Variants in PWWP2A observed in about 807,000 individuals in gnomAD.
The protein encoded by PWWP2A is PWWP domain-containing protein 2A.
In PWWP2A, 18 loss-of-function variants were observed where a neutral mutation model predicts 48.5. The observed-to-expected ratio is 0.37, with a 90% CI of 0.26 to 0.55. The LOEUF (loss-of-function observed/expected upper bound fraction) is 0.55, where lower values mean the gene tolerates loss of function less well. Among genes scored for constraint, PWWP2A ranks in the 20% least tolerant of loss-of-function variants. The probability of loss-of-function intolerance (pLI) is 0.81; values close to 1 mark genes in which losing one functional copy is unlikely to be tolerated. For synonymous variants in PWWP2A, 396 were observed against 387.7 expected (o/e 1.02, Z -0.25); for missense variants, 867 against 976.4 (o/e 0.89, Z 1.49).
At chr5:160,083,309 C>T (rs1754377145) in intron 2 of PWWP2A, among the ~76,000 whole-genome samples, 1 of 152,092 alleles carries the variant, frequency 6.6e-6, no homozygotes, top group Non-Finnish European at 1.5e-5. Flanking sequence ...TTAACAGCAT[C>T]CCCAAAATGA....
chr5:160,096,883 C>A (rs1755706168), intron 1 of PWWP2A, among the ~76,000 whole-genome samples: 1 of 152,142 alleles, frequency 6.6e-6, no homozygotes, highest in South Asian at 2.1e-4. Flanking sequence ...CTGTTTGTAT[C>A]CTCTAAACTC....
chr5:160,110,479 GA>G (rs2113656423), intron 1 of PWWP2A, among the ~76,000 whole-genome samples: 1 of 152,002 alleles, frequency 6.6e-6, no homozygotes, highest in East Asian at 1.9e-4. Context: ...GGCCGCGGCA[GA>G]TGGATCACCT....
chr5:160,090,377 A>T, downstream of PWWP2A: 1 of 983,676 alleles, frequency 1.0e-6, no homozygotes, highest in Non-Finnish European at 1.2e-6. Context: ...TCAAACTTTT[A>T]AAAACACCTG....
chr5:160,095,403 A>C lies in PWWP2A; in HGVS notation c.585-1338T>G, dbSNP rs79646847. Among the ~76,000 whole-genome samples, 26 of 152,338 alleles carry C rather than the reference A, an allele frequency of 1.7e-4. No homozygotes were observed. The East Asian group carries it at 5.0e-3, about 29-fold the overall frequency. On this transcript the variant is annotated intron_variant, in intron 1 of 1. Transcript: ENST00000307063. The stretch of plus-strand genomic sequence containing the variant: ...ATCAAGAACCTGATCCTTAAAATAA[A>C]CTTGCTATACTAAGTTTTCTTCACA...
Position 160,092,318 on chromosome 5 carries a change from T to C in PWWP2A, c.*64A>G. ...TGGCCACGCTATTTTGTAGAAATTA[T>C]TCCTAACTAGACTAGAAAATCTGTG... On this transcript the variant is annotated 3_prime_UTR_variant, in exon 2 of 2. Coordinates refer to ENST00000307063, the MANE Select transcript of PWWP2A (RefSeq NM_001130864.2). 1 of 1,463,620 alleles carries C rather than the reference T, an allele frequency of 6.8e-7. No homozygotes were observed. Among genetic ancestry groups the C allele is most frequent in the Non-Finnish European group, 9.0e-7 (1 of 1,107,322 alleles). The allele number at this position is 1,463,620 out of a possible 1,614,324, so 90.7% of individuals were successfully genotyped here. A position where few individuals can be genotyped will look rare whatever the true frequency, so the allele number is the denominator to read the frequency against.
intron 3 of PWWP2A, chr5:160,080,505 G>T: frequency 1.4e-6 from 1 of 706,948 alleles, no homozygotes; most frequent in Non-Finnish European, 2.1e-6. Flanking sequence ...TCACCTACAC[G>T]AGGCACACCC....
chr5:160,117,788 G>A lies in PWWP2A; in HGVS notation c.584+1017C>T. On this transcript the variant is annotated intron_variant, in intron 1 of 1. Transcript: ENST00000307063. Reference sequence around the variant, plus strand: ...CCAAATGGGAAAGAAGGATTCCTGGGTCTTGATGGGAGAGCAAGCAAGTTT... The same window carrying A: ...CCAAATGGGAAAGAAGGATTCCTGGATCTTGATGGGAGAGCAAGCAAGTTT... 4 of 627,548 alleles carry A rather than the reference G, an allele frequency of 6.4e-6. No homozygotes were observed. In the South Asian group the frequency reaches 2.8e-4, roughly 44 times the overall value. The allele number at this position is 627,548 out of a possible 1,614,324, so 38.9% of individuals were successfully genotyped here.
At chr5:160,052,189 G>A in the PWWP2A span, among the ~76,000 whole-genome samples, 2 of 152,210 alleles carry the variant, frequency 1.3e-5, no homozygotes, top group African/African-American at 2.4e-5. Context: ...GGGGGATGGG[G>A]GAGCTTTTCC....
intron 5 of PWWP2A, among the ~76,000 whole-genome samples, chr5:160,062,966 C>T (rs1028782992): frequency 2.6e-5 from 4 of 152,280 alleles, no homozygotes; most frequent in African/African-American, 7.2e-5. Context: ...GAGGCTGTGC[C>T]GCTGCCTTGT....
At chr5:160,114,068 C>T (rs112664068) in intron 1 of PWWP2A, among the ~76,000 whole-genome samples, 7 of 152,180 alleles carry the variant, frequency 4.6e-5, no homozygotes, top group African/African-American at 7.2e-5. Flanking sequence ...ATAGAAAGCT[C>T]CTAATTTTTA....
In PWWP2A at chr5:160,091,401, A is replaced by G. The variant is rs1258414352; in HGVS notation, c.*981T>C. On this transcript the variant is annotated 3_prime_UTR_variant, in exon 2 of 2. Transcript: ENST00000307063. ...GTTTTTTTTTTTTTTTTTACATTTC[A>G]GAGCATTACACAATTACATTTTCTC... 3.2e-6 allele frequency: 3 copies of G among 947,532 alleles called. No individual in the cohort carries two copies. Among genetic ancestry groups the G allele is most frequent in the African/African-American group, 1.9e-5 (1 of 53,878 alleles). 58.7% of individuals were successfully genotyped at this position (947,532 alleles called of 1,614,324 possible).
downstream of PWWP2A, among the ~76,000 whole-genome samples, chr5:160,075,249 G>A (rs1753841048): frequency 6.6e-6 from 1 of 152,102 alleles, no homozygotes; most frequent in African/African-American, 2.4e-5. Flanking sequence ...GATTCCTGTG[G>A]TCTCTTTTTT....
At chr5:160,115,561 CG>C (rs1254014261) in intron 1 of PWWP2A, among the ~76,000 whole-genome samples, 2 of 151,624 alleles carry the variant, frequency 1.3e-5, no homozygotes, top group East Asian at 3.9e-4. Flanking sequence ...GGCGTGGTGG[CG>C]GGCACCTGTA....
chr5:160,093,794 T>C lies in PWWP2A; in HGVS notation c.856A>G (p.Ile286Val). ...ATTTTCCGAGGAGGTGGCTGAGGTA[T>C]TGATTGGTTATATGTGTCCCTGATA... ...LFIRDTYNQS[I>V]PQPPPRKIKR... Residue 286 changes from isoleucine to valine, a missense_variant, in exon 2 of 2, where the codon ATA (isoleucine) becomes GTA (valine). This residue lies in a region of PWWP2A where 3 missense variants were observed against 20.7 expected (regional missense o/e 0.14). Transcript: ENST00000307063. This position sits in a 1 kb window ranked among gnomAD's most constrained non-coding sequence, Gnocchi z 5.8. 6.2e-7 allele frequency: 1 copy of C among 1,614,070 alleles called. No homozygotes were observed.
chr5:160,082,826 C>T (rs934152447), intron 2 of PWWP2A, among the ~76,000 whole-genome samples: 1 of 152,122 alleles, frequency 6.6e-6, no homozygotes, highest in Non-Finnish European at 1.5e-5. Context: ...CATGAAAAGG[C>T]GGCAATTTCA....
chr5:160,094,777 G>A (rs1219801122), intron 1 of PWWP2A, among the ~76,000 whole-genome samples: 1 of 152,074 alleles, frequency 6.6e-6, no homozygotes, highest in Non-Finnish European at 1.5e-5. Flanking sequence ...GCCGGGTGCA[G>A]TGGCTCATGT....
downstream of PWWP2A, among the ~76,000 whole-genome samples, chr5:160,057,990 C>A (rs1757588536): frequency 6.6e-6 from 1 of 152,254 alleles, no homozygotes; most frequent in Non-Finnish European, 1.5e-5. This position sits in a 1 kb window ranked among gnomAD's most constrained non-coding sequence, Gnocchi z 4.4. Context: ...TGGTCTCGAA[C>A]TCCTGAACTC....
At chr5:160,052,658 T>A in the PWWP2A span, among the ~76,000 whole-genome samples, 1 of 151,576 alleles carries the variant, frequency 6.6e-6, no homozygotes. Flanking sequence ...CATTGGTCTC[T>A]TAGTCCATTT....
intron 1 of PWWP2A, among the ~76,000 whole-genome samples, chr5:160,104,810 AAAC>A (rs1247850556): frequency 6.6e-6 from 1 of 152,176 alleles, no homozygotes; most frequent in Non-Finnish European, 1.5e-5. Flanking sequence ...CTCTCAAAAA[AAAC>A]AAAAACAAAC....
Sources: allele counts gnomAD v4.1 joint callset (sites outside exome capture counted in the v4.1 genomes callset), GRCh38; gene constraint gnomAD v4.1.1; regional missense constraint gnomAD v4.1.1; non-coding constraint Gnocchi (gnomAD v3.1); transcripts MANE v1.5; gene names NCBI Gene and HGNC (gene_info 2026-07-23, HGNC 2026-07-21).